Variants in TSPAN14 observed in about 807,000 individuals in gnomAD.
The protein encoded by TSPAN14 is tetraspanin 14.
Under a neutral mutation model 36.6 loss-of-function variants are expected in TSPAN14, and 16 were observed. That is an observed-to-expected ratio of 0.44 (90% CI 0.30 to 0.66). The LOEUF is 0.66. Among genes scored for constraint, TSPAN14 ranks in the 30% least tolerant of loss-of-function variants. TSPAN14 has a pLI of 0.12. For synonymous variants in TSPAN14, 139 were observed against 143.8 expected, an observed-to-expected ratio of 0.97 and a Z score of 0.24; for missense variants, 231 against 355.1, an observed-to-expected ratio of 0.65 and a Z score of 2.81.
chr10:80,514,441 C>G (rs372655910), intron 7 of TSPAN14, among the ~76,000 whole-genome samples: 1 of 152,084 alleles, frequency 6.6e-6, no homozygotes, highest in East Asian at 1.9e-4. Flanking sequence ...TTCTGGCCTC[C>G]GTGTGGAGGC....
intron 6 of TSPAN14, among the ~76,000 whole-genome samples, chr10:80,513,137 G>A (rs995379657): frequency 2.6e-5 from 4 of 152,104 alleles, no homozygotes; most frequent in Non-Finnish European, 5.9e-5. Context: ...GGCTCAAAGC[G>A]ATCTGCCCAT....
In TSPAN14 at chr10:80,512,303, G is replaced by A. The variant is rs369656752; in HGVS notation, c.576+34G>A. 3.3e-5 allele frequency: 53 copies of A among 1,610,666 alleles called. No individual in the cohort carries two copies. In the African/African-American group the frequency reaches 5.7e-4, roughly 17 times the overall value. Reference sequence around the variant, plus strand: ...GCTTGTGCTGGGGCACAGGGAGCCCGCCCTTCCTGAAGCCCAGAAGCTTTC... The same window carrying A: ...GCTTGTGCTGGGGCACAGGGAGCCCACCCTTCCTGAAGCCCAGAAGCTTTC... On this transcript the variant is annotated intron_variant, in intron 6 of 8. Transcript: ENST00000429989.
At chr10:80,501,286 CTTTT>C (rs36008947) in intron 2 of TSPAN14, among the ~76,000 whole-genome samples, 21 of 120,586 alleles carry the variant, frequency 1.7e-4, no homozygotes, top group Admixed American at 4.2e-4. Context: ...TTTAGAAAAC[CTTTT>C]TTTTTTTTTT....
rs149601586 is a variant in TSPAN14, at chr10:80,508,365, G to A, written c.280-936G>A. On this transcript the variant is annotated intron_variant, in intron 4 of 8. Coordinates refer to ENST00000429989, the Ensembl canonical transcript of TSPAN14. ...CATCTCCTGACCTTGTGATCCTCTC[G>A]CCTCGGCCTCCCAAAGTGCTGGGAT... 2.5e-3 allele frequency among the ~76,000 whole-genome samples: 381 copies of A among 152,124 alleles called. 2 individuals are homozygous for A. Among genetic ancestry groups the A allele is most frequent in the African/African-American group, 8.7e-3 (359 of 41,488 alleles).
chr10:80,454,589 C>A (rs1370277020), intron 1 of TSPAN14, among the ~76,000 whole-genome samples: 5 of 151,868 alleles, frequency 3.3e-5, no homozygotes, highest in African/African-American at 4.8e-5. Flanking sequence ...TCCGCCGGGA[C>A]CCCGCTGAGC....
intron 1 of TSPAN14, among the ~76,000 whole-genome samples, chr10:80,460,513 G>T (rs1845916283): frequency 6.6e-6 from 1 of 152,314 alleles, no homozygotes; most frequent in Non-Finnish European, 1.5e-5. Context: ...GTGGTTGGCA[G>T]TGTCCTGTCC....
At chr10:80,473,045 G>A (rs960402489) in intron 1 of TSPAN14, among the ~76,000 whole-genome samples, 10 of 152,208 alleles carry the variant, frequency 6.6e-5, no homozygotes, top group Admixed American at 4.6e-4. Flanking sequence ...GCCACCTGAA[G>A]ATAAAAGTGT....
chr10:80,507,348 C>T (rs1205455298), exon 4 of TSPAN14: 3 of 1,614,022 alleles, frequency 1.9e-6, no homozygotes, highest in Non-Finnish European at 2.5e-6. Flanking sequence ...GGGGGCTCTG[C>T]GGGAGAATAT....
intron 6 of TSPAN14, among the ~76,000 whole-genome samples, chr10:80,512,827 G>A (rs1015229902): frequency 1.3e-5 from 2 of 152,042 alleles, no homozygotes; most frequent in Non-Finnish European, 2.9e-5. Context: ...CTGAGTAGCT[G>A]GGATTACAGG....
intron 5 of TSPAN14, among the ~76,000 whole-genome samples, chr10:80,511,482 C>T (rs934942524): frequency 6.6e-6 from 1 of 152,120 alleles, no homozygotes; most frequent in Non-Finnish European, 1.5e-5. Context: ...ACGCCACTCT[C>T]CTGTCTGAGG....
intron 1 of TSPAN14, among the ~76,000 whole-genome samples, chr10:80,465,365 T>G (rs1346809329): frequency 6.6e-6 from 1 of 152,174 alleles, no homozygotes; most frequent in Non-Finnish European, 1.5e-5. Flanking sequence ...CCACCCCCGC[T>G]GCAGGAGCCA....
At chr10:80,510,640 T>C (rs577349114) in intron 5 of TSPAN14, among the ~76,000 whole-genome samples, 16 of 152,270 alleles carry the variant, frequency 1.1e-4, no homozygotes, top group Admixed American at 2.6e-4. Context: ...TTTGGGAGGC[T>C]GAGGCGGGTG....
At chr10:80,462,888 T>C (rs1564708361) in intron 1 of TSPAN14, among the ~76,000 whole-genome samples, 1 of 151,998 alleles carries the variant, frequency 6.6e-6, no homozygotes, top group Admixed American at 6.6e-5. Context: ...GATGACTGAG[T>C]GGGGAGGGCT....
intron 3 of TSPAN14, among the ~76,000 whole-genome samples, chr10:80,505,450 G>A (rs1412099281): frequency 2.0e-5 from 3 of 152,030 alleles, no homozygotes; most frequent in African/African-American, 7.2e-5. Flanking sequence ...GGAGGGGAGG[G>A]AAGCAGTAAG....
intron 3 of TSPAN14, among the ~76,000 whole-genome samples, chr10:80,505,955 C>T (rs1034826059): frequency 6.6e-6 from 1 of 152,222 alleles, no homozygotes. Context: ...CCTTCCTGTT[C>T]GAAATGTAGG....
chr10:80,508,440 T>G (rs1840429641), intron 4 of TSPAN14, among the ~76,000 whole-genome samples: 1 of 152,162 alleles, frequency 6.6e-6, no homozygotes, highest in Non-Finnish European at 1.5e-5. Flanking sequence ...TTTCTTACTT[T>G]GAAAGATTAC....
chr10:80,467,347 C>T (rs73305142), intron 1 of TSPAN14, among the ~76,000 whole-genome samples: 20,982 of 151,922 alleles, frequency 0.14, 2,170 homozygotes, highest in African/African-American at 0.3. Context: ...GTTGTTGGAC[C>T]CAAACAAGAC....
intron 1 of TSPAN14, among the ~76,000 whole-genome samples, chr10:80,465,141 G>A (rs569391396): frequency 1.3e-5 from 2 of 152,220 alleles, no homozygotes; most frequent in Admixed American, 1.3e-4. Flanking sequence ...TGCCAGGCTT[G>A]TCGGCCACCT....
chr10:80,465,005 G>A (rs1042585889), intron 1 of TSPAN14, among the ~76,000 whole-genome samples: 3 of 152,154 alleles, frequency 2.0e-5, no homozygotes, highest in Non-Finnish European at 4.4e-5. Flanking sequence ...GGCCCATCAT[G>A]TGTTCTCAGA....
Sources: allele counts gnomAD v4.1 joint callset (sites outside exome capture counted in the v4.1 genomes callset), GRCh38; gene constraint gnomAD v4.1.1; transcripts MANE v1.5; gene names NCBI Gene and HGNC (gene_info 2026-07-23, HGNC 2026-07-21).